The following LY6S variants were observed in gnomAD, a reference collection of about 807,000 sequenced individuals.
The protein encoded by LY6S is lymphocyte antigen 6 family member S.
chr8:143,043,409 T>A, the LY6S span: 1 of 405,582 alleles, frequency 2.5e-6, no homozygotes, highest in African/African-American at 2.1e-5. Context: ...GCAGGGAGGC[T>A]CCGCACCCCA....
chr8:143,066,124 C>T, the LY6S span: 1 of 378,408 alleles, frequency 2.6e-6, no homozygotes, highest in Non-Finnish European at 4.9e-6. Context: ...ACTGCTGCGG[C>T]CTCCATGATG....
the LY6S span, among the ~76,000 whole-genome samples, chr8:143,073,910 G>T: frequency 5.7e-5 from 8 of 140,776 alleles, 1 homozygote; most frequent in South Asian, 1.9e-3. Flanking sequence ...CATCATCCTC[G>T]TGGTCCCTGT....
the LY6S span, chr8:143,066,415 G>C: frequency 1.5e-5 from 3 of 196,464 alleles, no homozygotes; most frequent in Non-Finnish European, 3.1e-5. Context: ...ACCCACCTTG[G>C]TCTCCCAAAG....
At chr8:143,043,921 C>A in the LY6S span, among the ~76,000 whole-genome samples, 3 of 152,220 alleles carry the variant, frequency 2.0e-5, no homozygotes, top group South Asian at 6.2e-4. Flanking sequence ...GTGATCCCCC[C>A]GCCTTGGCCT....
chr8:143,075,477 G>A, the LY6S span, among the ~76,000 whole-genome samples: 2 of 152,186 alleles, frequency 1.3e-5, no homozygotes, highest in Non-Finnish European at 2.9e-5. The surrounding 1 kb of genome is among the most constrained non-coding windows in gnomAD (Gnocchi z 4.1). Flanking sequence ...GCCGAGGAGG[G>A]TGGATCATCT....
chr8:143,057,580 A>C, the LY6S span: 1 of 1,278,916 alleles, frequency 7.8e-7, no homozygotes, highest in Non-Finnish European at 1.1e-6. Flanking sequence ...TCTCTGGTTT[A>C]TCATCCTCAT....
chr8:143,066,310 C>T, the LY6S span, among the ~76,000 whole-genome samples: 1 of 152,044 alleles, frequency 6.6e-6, no homozygotes, highest in African/African-American at 2.4e-5. Context: ...TTACAGGCAC[C>T]CACCATCACA....
chr8:143,044,557 G>A, the LY6S span: 5 of 54,924 alleles, frequency 9.1e-5, no homozygotes, highest in Admixed American at 1.4e-3. Context: ...CCCCACCTCA[G>A]GAGCCACAGA....
the LY6S span, among the ~76,000 whole-genome samples, chr8:143,046,692 G>A: frequency 6.6e-6 from 1 of 151,842 alleles, no homozygotes; most frequent in South Asian, 2.1e-4. Context: ...AACTATGGGA[G>A]GAATTTAGTT....
the LY6S span, among the ~76,000 whole-genome samples, chr8:143,056,196 C>A: frequency 2.1e-5 from 3 of 145,310 alleles, no homozygotes; most frequent in Non-Finnish European, 4.5e-5. Context: ...GTAGATCATA[C>A]ATTTGGATCG....
At chr8:143,066,546 G>T in the LY6S span, 2 of 312,538 alleles carry the variant, frequency 6.4e-6, no homozygotes, top group Non-Finnish European at 1.3e-5. Context: ...CATGGCTGTG[G>T]CCCTTTTTGG....
chr8:143,073,979 G>C, the LY6S span, among the ~76,000 whole-genome samples: 1 of 150,700 alleles, frequency 6.6e-6, no homozygotes, highest in Non-Finnish European at 1.5e-5. Flanking sequence ...GTCGTCCCCG[G>C]GGTCCCTGTT....
chr8:143,051,508 T>G, the LY6S span, among the ~76,000 whole-genome samples: 47 of 151,776 alleles, frequency 3.1e-4, no homozygotes, highest in African/African-American at 1.1e-3. Flanking sequence ...ACCATTGCAC[T>G]CCAGCCTGGG....
chr8:143,062,421 A>G, the LY6S span, among the ~76,000 whole-genome samples: 1 of 152,166 alleles, frequency 6.6e-6, no homozygotes, highest in Non-Finnish European at 1.5e-5. Flanking sequence ...TAATCCCAGC[A>G]CTCTGGGAGG....
chr8:143,044,920 C>T, the LY6S span: 1 of 1,056,680 alleles, frequency 9.5e-7, no homozygotes, highest in South Asian at 1.6e-5. Context: ...CCCAACCTGC[C>T]ACCTGGACCT....
At chr8:143,055,572 A>C in the LY6S span, among the ~76,000 whole-genome samples, 1 of 152,252 alleles carries the variant, frequency 6.6e-6, no homozygotes, top group Non-Finnish European at 1.5e-5. Context: ...AAGAAAAGAA[A>C]AATAAAAATT....
chr8:143,063,203 G>A, the LY6S span, among the ~76,000 whole-genome samples: 2 of 152,098 alleles, frequency 1.3e-5, no homozygotes, highest in African/African-American at 2.4e-5. Context: ...AGCAGCAAAG[G>A]GTCTCCCATA....
chr8:143,066,875 C>T, the LY6S span, among the ~76,000 whole-genome samples: 5 of 152,250 alleles, frequency 3.3e-5, no homozygotes, highest in African/African-American at 1.2e-4. Flanking sequence ...ACATGAGATT[C>T]GGGAAGCCCA....
the LY6S span, chr8:143,043,295 CT>C: frequency 6.2e-6 from 8 of 1,297,416 alleles, no homozygotes; most frequent in African/African-American, 1.2e-4. Context: ...CGACGTCCTT[CT>C]GGCAGGAGAG....
Sources: gnomAD v4.1 joint callset for allele counts (sites outside exome capture counted in the v4.1 genomes callset) on GRCh38, gnomAD v4.1.1 for gene constraint, Gnocchi (gnomAD v3.1) non-coding constraint, MANE v1.5 for transcripts, NCBI Gene and HGNC (gene_info 2026-07-23, HGNC 2026-07-21) for gene names.